CHCHD3: variants seen among roughly 807,000 people sequenced by gnomAD.
The protein encoded by CHCHD3 is coiled-coil-helix-coiled-coil-helix domain containing 3, also known as MICOS complex subunit MIC19.
In CHCHD3, 20 loss-of-function variants were observed where a neutral mutation model predicts 38.2. The observed-to-expected ratio is 0.52, with a 90% CI of 0.37 to 0.76. CHCHD3 has a LOEUF of 0.76. CHCHD3 is among the 30% of genes least tolerant of loss of function. The pLI is 0.00. For missense variants in CHCHD3, 245 were observed against 279.2 expected, an observed-to-expected ratio of 0.88 and a Z score of 0.87; for synonymous variants, 82 against 100.0, an observed-to-expected ratio of 0.82 and a Z score of 1.07.
rs549487291 is a variant in CHCHD3, at chr7:132,821,217, T to C, written c.524+17182A>G. On this transcript the variant is annotated intron_variant, in intron 6 of 7. Transcript: ENST00000262570. ...AATTCAACTATTGTGACTACAGTAATTATTAATAGCTCACTATTCACTGCT... is the reference window on the plus strand; with the variant it reads ...AATTCAACTATTGTGACTACAGTAACTATTAATAGCTCACTATTCACTGCT... Among the ~76,000 whole-genome samples, 4 of 152,306 alleles carry C rather than the reference T, an allele frequency of 2.6e-5. No individual in the cohort carries two copies. The South Asian group carries it at 6.2e-4, about 24-fold the overall frequency.
intron 5 of CHCHD3, among the ~76,000 whole-genome samples, chr7:132,884,830 CTT>C (rs764145168): frequency 1.8e-4 from 27 of 152,202 alleles, no homozygotes; most frequent in Non-Finnish European, 3.2e-4. Context: ...CCCATGCTGA[CTT>C]GACGCCGTAT....
chr7:132,787,755 A>G (rs1806355667), intron 7 of CHCHD3, among the ~76,000 whole-genome samples: 2 of 152,208 alleles, frequency 1.3e-5, no homozygotes, highest in Non-Finnish European at 1.5e-5. Context: ...TAAAGTGTTC[A>G]TCATTATAGG....
intron 2 of CHCHD3, among the ~76,000 whole-genome samples, chr7:133,051,403 C>T (rs911278672): frequency 6.6e-6 from 1 of 152,212 alleles, no homozygotes; most frequent in South Asian, 2.1e-4. Flanking sequence ...CCAACCTTGA[C>T]AGTACCCTTT....
chr7:132,996,266 C>A (rs181407704), intron 3 of CHCHD3, among the ~76,000 whole-genome samples: 1 of 152,294 alleles, frequency 6.6e-6, no homozygotes, highest in East Asian at 1.9e-4. Context: ...GTTACGTGCT[C>A]TGCAATCCAA....
intron 4 of CHCHD3, among the ~76,000 whole-genome samples, chr7:132,932,154 T>C (rs1440994602): frequency 6.6e-6 from 1 of 152,198 alleles, no homozygotes; most frequent in African/African-American, 2.4e-5. Flanking sequence ...TCACAGCAGC[T>C]GATCTATCAA....
intron 4 of CHCHD3, among the ~76,000 whole-genome samples, chr7:132,898,897 C>G (rs1476604278): frequency 2.0e-5 from 3 of 152,180 alleles, no homozygotes; most frequent in African/African-American, 7.2e-5. Flanking sequence ...CCGGCTGCTC[C>G]GAGTGCAGGG....
At chr7:132,920,060 C>A (rs1010301798) in intron 4 of CHCHD3, among the ~76,000 whole-genome samples, 5 of 152,196 alleles carry the variant, frequency 3.3e-5, no homozygotes, top group African/African-American at 9.7e-5. Context: ...CGTCATCATG[C>A]CCTTCTCTAT....
intron 3 of CHCHD3, among the ~76,000 whole-genome samples, chr7:133,012,644 G>A (rs1812906037): frequency 6.6e-6 from 1 of 151,732 alleles, no homozygotes; most frequent in Non-Finnish European, 1.5e-5. Context: ...TGCACCTGTA[G>A]TCCCAGCTAC....
chr7:132,917,395 C>T (rs989194250), intron 4 of CHCHD3, among the ~76,000 whole-genome samples: 2 of 152,192 alleles, frequency 1.3e-5, no homozygotes, highest in African/African-American at 4.8e-5. Flanking sequence ...GTGATCCCCT[C>T]AACCCTCTCC....
At chr7:133,059,606 A>G (rs2117517273) in intron 2 of CHCHD3, among the ~76,000 whole-genome samples, 1 of 152,288 alleles carries the variant, frequency 6.6e-6, no homozygotes, top group East Asian at 1.9e-4. Context: ...CCCGCTCCCT[A>G]GCCACTCCTC....
At chr7:132,858,734 G>T (rs573376489) in intron 5 of CHCHD3, among the ~76,000 whole-genome samples, 3 of 152,228 alleles carry the variant, frequency 2.0e-5, no homozygotes, top group Non-Finnish European at 4.4e-5. Context: ...TCACTCTGAG[G>T]ACAAGAAAGG....
intron 5 of CHCHD3, among the ~76,000 whole-genome samples, chr7:132,863,292 T>A (rs1808538826): frequency 6.6e-6 from 1 of 152,198 alleles, no homozygotes; most frequent in African/African-American, 2.4e-5. Context: ...CCTGTACATC[T>A]CCATCAGAGC....
At chr7:132,914,476 A>G (rs1040851427) in intron 4 of CHCHD3, among the ~76,000 whole-genome samples, 5 of 152,232 alleles carry the variant, frequency 3.3e-5, no homozygotes, top group African/African-American at 1.2e-4. Context: ...CATAATTAGT[A>G]CTATTATGTA....
At chr7:132,992,186 AGCAGCAGCAGCACTTGCTCCT>A (rs1812300704) in intron 3 of CHCHD3, among the ~76,000 whole-genome samples, 1 of 152,254 alleles carries the variant, frequency 6.6e-6, no homozygotes, top group South Asian at 2.1e-4. Flanking sequence ...ACTGCTTCCC[AGCAGCAGCAGCACTTGCTCCT>A]GCAGCAGCAG....
chr7:132,995,574 AC>A (rs1196138835), intron 3 of CHCHD3, among the ~76,000 whole-genome samples: 1 of 152,246 alleles, frequency 6.6e-6, no homozygotes, highest in Non-Finnish European at 1.5e-5. Context: ...AAATGAAGTA[AC>A]CTGAAATTGA....
At position 133,035,537 on chromosome 7, in the gene CHCHD3, A is replaced by T. The variant is rs772943665; in HGVS notation, c.170-10910T>A. On this transcript the variant is annotated intron_variant, in intron 2 of 7. Coordinates refer to ENST00000262570, the MANE Select transcript of CHCHD3 (RefSeq NM_017812.4). The surrounding 1 kb of genome is among the most constrained non-coding windows in gnomAD (Gnocchi z 4.7). ...GCCTCACTTCCTCCTTTGCATTCTCAGTGGCCTGTTTGTTGTGGTGCATGA... is the reference window on the plus strand; with the variant it reads ...GCCTCACTTCCTCCTTTGCATTCTCTGTGGCCTGTTTGTTGTGGTGCATGA... The T allele has an allele frequency of 6.2e-7, 1 of 1,613,474 alleles. No homozygotes were observed. Among genetic ancestry groups the T allele is most frequent in the Non-Finnish European group, 8.5e-7 (1 of 1,179,464 alleles).
intron 4 of CHCHD3, among the ~76,000 whole-genome samples, chr7:132,950,387 G>T (rs1049978701): frequency 2.6e-5 from 4 of 152,152 alleles, no homozygotes; most frequent in Admixed American, 6.5e-5. Context: ...GGAAAAAGAT[G>T]TGGCTTAATT....
intron 4 of CHCHD3, chr7:132,973,529 C>G: frequency 2.0e-6 from 2 of 985,564 alleles, no homozygotes; most frequent in Non-Finnish European, 2.4e-6. Context: ...TTCCACCTCT[C>G]TTATTCCCTT....
At chr7:133,011,131 G>A (rs1021655030) in intron 3 of CHCHD3, among the ~76,000 whole-genome samples, 1 of 152,134 alleles carries the variant, frequency 6.6e-6, no homozygotes, top group Non-Finnish European at 1.5e-5. Context: ...TTTGGCAGCC[G>A]ATGTGGCCGA....
Sources: gnomAD v4.1 joint callset for allele counts (sites outside exome capture counted in the v4.1 genomes callset) on GRCh38, gnomAD v4.1.1 for gene constraint, Gnocchi (gnomAD v3.1) non-coding constraint, MANE v1.5 for transcripts, NCBI Gene and HGNC (gene_info 2026-07-23, HGNC 2026-07-21) for gene names.